The following TG variants were observed in gnomAD, a reference collection of about 807,000 sequenced individuals.
TG encodes the protein thyroglobulin.
In TG, 270 loss-of-function variants were observed where a neutral mutation model predicts 324.7. The ratio of observed to expected loss-of-function variants is 0.83; its 90% CI spans 0.75 to 0.92. TG has a LOEUF of 0.92. Ranked by LOEUF, TG falls within the 40% of genes least tolerant of loss-of-function variation. TG has a pLI of 0.00. For synonymous variants in TG, 1,401 were observed against 1,327.0 expected (o/e 1.06, Z -1.21); for missense variants, 3,591 against 3,456.4 (o/e 1.04, Z -0.98).
At position 133,116,763 on chromosome 8, in the gene TG, T is replaced by A. The variant is rs774097588; in HGVS notation, c.7862+47T>A. 3.3e-6 allele frequency: 5 copies of A among 1,519,108 alleles called. No individual in the cohort carries two copies. The African/African-American group carries it at 6.9e-5, about 21-fold the overall frequency. 94.1% of individuals were successfully genotyped at this position (1,519,108 alleles called of 1,614,324 possible). ...GAGAAAGGAAGGTAAAACCGAATGA[T>A]AAGTCCCAGTTCGATGACATGGGAC... is the stretch of plus-strand genomic sequence containing the variant. On this transcript the variant is annotated intron_variant, in intron 45 of 47. Coordinates refer to ENST00000220616, the MANE Select transcript of TG (RefSeq NM_003235.5).
At position 132,906,900 on chromosome 8, in the gene TG, C is replaced by G. The variant is rs138431235; in HGVS notation, c.3847C>G (p.Arg1283Gly). ...SQLPQPRACQ[R>G]PQLWQTIQTQ... ...GCTGCCTCAGCCCCGGGCCTGCCAA[C>G]GTGAGTGGCATCAGAGCATCTATCC... Residue 1283 changes from arginine to glycine, a missense_variant and splice_region_variant, in exon 17 of 48, where the codon CGG becomes GGG. By Grantham distance (125) the Arg-to-Gly change is moderately radical. Transcript: ENST00000220616. The G allele has an allele frequency of 1.2e-6, 2 of 1,609,934 alleles. No individual in the cohort carries two copies. Among genetic ancestry groups the G allele is most frequent in the African/African-American group, 2.7e-5 (2 of 74,870 alleles).
chr8:133,107,386 A>G (rs562510848), intron 43 of TG, among the ~76,000 whole-genome samples: 19 of 152,340 alleles, frequency 1.2e-4, no homozygotes, highest in African/African-American at 4.1e-4. Context: ...GCACACACCA[A>G]GGAGTGGCCA....
At chr8:133,077,301 C>T (rs1045610052) in intron 41 of TG, among the ~76,000 whole-genome samples, 8 of 152,088 alleles carry the variant, frequency 5.3e-5, no homozygotes, top group African/African-American at 1.4e-4. Context: ...CAAGGGGTCC[C>T]GTTCACAGGA....
chr8:133,043,174 C>T (rs542431778), intron 41 of TG, among the ~76,000 whole-genome samples: 6 of 152,206 alleles, frequency 3.9e-5, no homozygotes, highest in African/African-American at 1.4e-4. Context: ...TGCGGGAAGG[C>T]GCCAGTGCTG....
Position 132,893,862 on chromosome 8 carries a change from C to G in TG, c.2934C>G (p.Pro978=). The G allele has an allele frequency of 1.9e-6, 3 of 1,614,040 alleles. 1 individual carries two copies. The South Asian group carries it at 3.3e-5, about 18-fold the overall frequency. ...TCGGCCTTCCTCCGCTCTTCCCGCC[C>G]CGGGAGGCTTTCGCGGAGCAGTTTC... ...EDLGLPPLFP[P]REAFAEQFLR... Residue 978 remains proline, a synonymous_variant, in exon 11 of 48, where the codon CCC becomes CCG. Coordinates refer to ENST00000220616, the MANE Select transcript of TG (RefSeq NM_003235.5).
At chr8:133,014,064 T>C (rs1834799326) in intron 37 of TG, among the ~76,000 whole-genome samples, 1 of 152,242 alleles carries the variant, frequency 6.6e-6, no homozygotes, top group Admixed American at 6.5e-5. Flanking sequence ...TCACAGGCCT[T>C]ATCTCATTTG....
At chr8:132,948,427 G>T (rs561600394) in intron 26 of TG, among the ~76,000 whole-genome samples, 12 of 152,266 alleles carry the variant, frequency 7.9e-5, no homozygotes, top group African/African-American at 2.4e-4. Flanking sequence ...AAATCACCCC[G>T]TTCAGCAGGT....
chr8:132,950,507 G>A (rs375824029), intron 27 of TG, among the ~76,000 whole-genome samples: 164 of 152,304 alleles, frequency 1.1e-3, no homozygotes, highest in African/African-American at 3.8e-3. Context: ...AGCATTCCAT[G>A]TCACCTCCTC....
At chr8:132,959,982 A>G (rs1360061264) in intron 27 of TG, among the ~76,000 whole-genome samples, 1 of 152,224 alleles carries the variant, frequency 6.6e-6, no homozygotes, top group Non-Finnish European at 1.5e-5. Flanking sequence ...CTAGGAACCC[A>G]TGACTGTATT....
intron 34 of TG, among the ~76,000 whole-genome samples, chr8:132,973,793 G>A (rs542394529): frequency 1.3e-5 from 2 of 152,140 alleles, no homozygotes; most frequent in Non-Finnish European, 2.9e-5. Flanking sequence ...CAACTAGGAG[G>A]AGTCAAATTA....
intron 21 of TG, among the ~76,000 whole-genome samples, chr8:132,920,497 C>G (rs751932858): frequency 7.9e-5 from 12 of 152,212 alleles, no homozygotes; most frequent in Non-Finnish European, 1.6e-4. Context: ...GTCTGGCATT[C>G]TTCCTGGAGA....
chr8:132,935,954 A>C (rs1483574399), intron 25 of TG, 90 bp downstream of exon 25: 18 of 1,001,096 alleles, frequency 1.8e-5, no homozygotes, highest in Non-Finnish European at 2.3e-5. Flanking sequence ...TGTGAGGAGG[A>C]GCCAGACTGT....
At chr8:133,106,776 G>A (rs1459896754) in intron 43 of TG, among the ~76,000 whole-genome samples, 1 of 152,142 alleles carries the variant, frequency 6.6e-6, no homozygotes, top group African/African-American at 2.4e-5. Context: ...TCACATAGAT[G>A]TGCTGTATAT....
At chr8:132,867,976 C>T in intron 1 of TG, 139 bp from the exon 2 acceptor site, 2 of 742,822 alleles carry the variant, frequency 2.7e-6, no homozygotes, top group Non-Finnish European at 4.7e-6. Context: ...AGAAAGTGTG[C>T]TTAGCTGCCA....
Position 133,019,409 on chromosome 8 carries a change from G to T in TG, c.6783-193G>T, listed in dbSNP as rs546999745. ...TTCCACAGGCCAGTGGCCAGAGAGC[G>T]GTGGGCACTCTGTCATTCCCTCCAT... is the stretch of plus-strand genomic sequence containing the variant. On this transcript the variant is annotated intron_variant, in intron 38 of 47. Transcript: ENST00000220616. Among the ~76,000 whole-genome samples the T allele has an allele frequency of 1.1e-4, 17 of 152,340 alleles. No individual in the cohort carries two copies. In the South Asian group the frequency reaches 1.5e-3, roughly 13 times the overall value.
chr8:133,076,921 T>C (rs1438166841), intron 41 of TG, among the ~76,000 whole-genome samples: 1 of 152,152 alleles, frequency 6.6e-6, no homozygotes, highest in African/African-American at 2.4e-5. Flanking sequence ...GAATATGTAC[T>C]ACACAGCAGA....
At chr8:132,995,387 G>C (rs952100726) in intron 35 of TG, 1 of 985,120 alleles carries the variant, frequency 1.0e-6, no homozygotes, top group African/African-American at 1.7e-5. Context: ...GGAGGGCAAC[G>C]GTGCCGCCTT....
intron 27 of TG, among the ~76,000 whole-genome samples, chr8:132,949,248 G>T (rs973254587): frequency 2.0e-5 from 3 of 152,176 alleles, no homozygotes; most frequent in Admixed American, 2.0e-4. Context: ...TCTAGTCTTG[G>T]TTGGCACATC....
chr8:133,081,237 A>C (rs971874458), intron 41 of TG, among the ~76,000 whole-genome samples: 7 of 152,278 alleles, frequency 4.6e-5, no homozygotes, highest in African/African-American at 1.2e-4. Context: ...ATGTCTAACC[A>C]TGACCATGGA....
Sources: gnomAD v4.1 joint callset for allele counts (sites outside exome capture counted in the v4.1 genomes callset) on GRCh38, gnomAD v4.1.1 for gene constraint, MANE v1.5 for transcripts, NCBI Gene and HGNC (gene_info 2026-07-23, HGNC 2026-07-21) for gene names.